ADCY8: variants seen among roughly 807,000 people sequenced by gnomAD.
ADCY8 encodes the protein adenylate cyclase type 8.
ADCY8 carries 51 observed loss-of-function variants against 119.7 expected under a neutral mutation model. That is an observed-to-expected ratio of 0.43 (90% CI 0.34 to 0.54). The LOEUF (loss-of-function observed/expected upper bound fraction) is 0.54, where lower values mean the gene tolerates loss of function less well. ADCY8 is among the 20% of genes least tolerant of loss of function. The pLI is 0.03. For synonymous variants in ADCY8, 665 were observed against 651.0 expected (o/e 1.02, Z -0.33); for missense variants, 1,383 against 1,598.8 (o/e 0.87, Z 2.30).
rs570000974 is a variant in ADCY8 at position 130,901,457 on chromosome 8, G to A, written c.1911+2315C>T. ...CCAAAACATCTGGCCAATTTAGCTG[G>A]AATACCCCCAGTGAAGCATTAGCAT... is the stretch of plus-strand genomic sequence containing the variant. On this transcript the variant is annotated intron_variant, in intron 7 of 17. Coordinates refer to ENST00000286355, the MANE Select transcript of ADCY8 (RefSeq NM_001115.3). Among the ~76,000 whole-genome samples, 18 of 152,172 alleles carry A rather than the reference G, an allele frequency of 1.2e-4. No individual in the cohort carries two copies. In the South Asian group the frequency reaches 2.3e-3, roughly 19 times the overall value.
chr8:130,937,232 A>G (rs1367616606), intron 4 of ADCY8, 32 bp from the exon 5 acceptor site: 2 of 1,602,076 alleles, frequency 1.2e-6, no homozygotes, highest in South Asian at 1.1e-5. Context: ...GGAAAGGTCT[A>G]TGTCAGCAGA....
At chr8:130,920,028 G>A (rs866438427) in intron 5 of ADCY8, among the ~76,000 whole-genome samples, 2 of 151,678 alleles carry the variant, frequency 1.3e-5, no homozygotes, top group East Asian at 1.9e-4. Flanking sequence ...CTATAATCCC[G>A]GCTACTTGGA....
At chr8:130,923,769 C>T (rs538476077) in intron 5 of ADCY8, among the ~76,000 whole-genome samples, 168 of 152,298 alleles carry the variant, frequency 1.1e-3, no homozygotes, top group African/African-American at 4.0e-3. Context: ...AACAGACATG[C>T]ATGAGATGAC....
chr8:130,932,950 C>T (rs1197682468), intron 5 of ADCY8, among the ~76,000 whole-genome samples: 1 of 152,158 alleles, frequency 6.6e-6, no homozygotes, highest in African/African-American at 2.4e-5. Flanking sequence ...TTATAGATCT[C>T]ACCTAAACAA....
intron 15 of ADCY8, among the ~76,000 whole-genome samples, chr8:130,792,123 C>T (rs1456394833): frequency 6.6e-6 from 1 of 152,218 alleles, no homozygotes; most frequent in Non-Finnish European, 1.5e-5. Flanking sequence ...TGTCCTCAGC[C>T]TCGCTTCTCT....
At chr8:130,896,942 C>T (rs999515601) in intron 7 of ADCY8, among the ~76,000 whole-genome samples, 1 of 152,014 alleles carries the variant, frequency 6.6e-6, no homozygotes, top group Non-Finnish European at 1.5e-5. Context: ...AGGGCAATGT[C>T]AGAGCTGAAA....
intron 12 of ADCY8, among the ~76,000 whole-genome samples, chr8:130,829,998 A>G (rs1162753672): frequency 2.0e-5 from 3 of 152,174 alleles, no homozygotes; most frequent in African/African-American, 7.2e-5. Flanking sequence ...GCTGTTCTTC[A>G]CACAATGCCC....
rs1824311680 is a variant in ADCY8 at position 131,039,916 on chromosome 8, C to A, written c.418G>T (p.Asp140Tyr). The change falls in exon 1 of 18, where the codon GAT becomes TAT. Residue 140 changes from aspartate to tyrosine, a missense_variant. Transcript: ENST00000286355. ...LHLDCAPSNS[D>Y]FFLNGGYSYR... is the part of the protein sequence containing the mutation. ...CTATAGCCCCCATTAAGAAAGAAATCCGAGTTGCTAGGGGCACAGTCAAGG... is the reference window on the plus strand; with the variant it reads ...CTATAGCCCCCATTAAGAAAGAAATACGAGTTGCTAGGGGCACAGTCAAGG... 1 of 1,611,434 alleles carries A rather than the reference C, an allele frequency of 6.2e-7. No individual in the cohort carries two copies. The highest frequency in any genetic ancestry group is 1.3e-5 in the African/African-American group (1 of 74,992).
chr8:131,026,381 T>G (rs1349046641), intron 1 of ADCY8, among the ~76,000 whole-genome samples: 1 of 144,930 alleles, frequency 6.9e-6, no homozygotes, highest in Non-Finnish European at 1.5e-5. Flanking sequence ...GAAATAAATG[T>G]TTTTTTTTGT....
chr8:130,979,823 C>A (rs1241691850), intron 2 of ADCY8, among the ~76,000 whole-genome samples: 2 of 152,188 alleles, frequency 1.3e-5, no homozygotes, highest in East Asian at 3.8e-4. Context: ...GTCACTGTTA[C>A]TTCCATCCAG....
At chr8:130,869,492 T>C (rs1281752519) in intron 8 of ADCY8, among the ~76,000 whole-genome samples, 3 of 149,632 alleles carry the variant, frequency 2.0e-5, no homozygotes, top group African/African-American at 7.4e-5. Context: ...CTTACTGTTT[T>C]TTTTTTATTT....
chr8:130,974,916 G>A (rs1822025180), intron 2 of ADCY8, among the ~76,000 whole-genome samples: 1 of 152,194 alleles, frequency 6.6e-6, no homozygotes, highest in African/African-American at 2.4e-5. Context: ...TTCAGAAGGT[G>A]GCTATTGTCC....
intron 2 of ADCY8, among the ~76,000 whole-genome samples, chr8:130,976,814 A>C (rs1018921772): frequency 1.3e-5 from 2 of 152,210 alleles, no homozygotes; most frequent in African/African-American, 4.8e-5. Flanking sequence ...CAAATATGAT[A>C]TTTAAAAAAT....
chr8:130,887,826 G>C (rs911609558), intron 7 of ADCY8, among the ~76,000 whole-genome samples: 1 of 151,518 alleles, frequency 6.6e-6, no homozygotes, highest in African/African-American at 2.4e-5. Flanking sequence ...GTCACCTTCA[G>C]TGGGATAATG....
chr8:130,891,417 C>CT (rs1346156758), intron 7 of ADCY8, among the ~76,000 whole-genome samples: 1 of 152,038 alleles, frequency 6.6e-6, no homozygotes, highest in Non-Finnish European at 1.5e-5. Context: ...ATTTTGTGTT[C>CT]TTTTTTTGAC....
At chr8:130,877,018 C>T (rs1327453842) in intron 8 of ADCY8, among the ~76,000 whole-genome samples, 1 of 152,064 alleles carries the variant, frequency 6.6e-6, no homozygotes, top group African/African-American at 2.4e-5. Flanking sequence ...CTTTGAGACT[C>T]CCTTACCTGT....
chr8:130,940,227 T>C (rs1405641875), intron 4 of ADCY8, among the ~76,000 whole-genome samples: 4 of 152,158 alleles, frequency 2.6e-5, no homozygotes, highest in African/African-American at 4.8e-5. Flanking sequence ...TTCAAACCCA[T>C]GTTTGTCTGA....
chr8:130,855,380 G>A (rs868686643), intron 9 of ADCY8, among the ~76,000 whole-genome samples: 5 of 152,116 alleles, frequency 3.3e-5, no homozygotes, highest in Admixed American at 3.3e-4. Context: ...TGGATTGTCT[G>A]GTCAGAGTTC....
At chr8:130,827,176 T>G (rs1003000861) in intron 12 of ADCY8, among the ~76,000 whole-genome samples, 12 of 152,194 alleles carry the variant, frequency 7.9e-5, no homozygotes, top group African/African-American at 2.9e-4. Context: ...AGGTAGATAG[T>G]GAGGGTATGG....
Sources: allele counts gnomAD v4.1 joint callset (sites outside exome capture counted in the v4.1 genomes callset), GRCh38; gene constraint gnomAD v4.1.1; transcripts MANE v1.5; gene names NCBI Gene and HGNC (gene_info 2026-07-23, HGNC 2026-07-21).